ST6GALNAC3: variants seen among roughly 807,000 people sequenced by gnomAD.
ST6GALNAC3 encodes the protein ST6 N-acetylgalactosaminide alpha-2,6-sialyltransferase 3, also known as alpha-N-acetylgalactosaminide alpha-2,6-sialyltransferase 3.
In ST6GALNAC3, 25 loss-of-function variants were observed where a neutral mutation model predicts 32.7. The observed-to-expected ratio is 0.76, with a 90% CI of 0.56 to 1.07. The LOEUF (loss-of-function observed/expected upper bound fraction) is 1.07. ST6GALNAC3 is among the 50% of genes least tolerant of loss of function. The pLI is 0.00. For missense variants in ST6GALNAC3, 355 were observed against 382.4 expected (o/e 0.93, Z 0.60); for synonymous variants, 129 against 133.1 (o/e 0.97, Z 0.21).
chr1:76,082,745 C>G (rs1277311771), intron 1 of ST6GALNAC3, among the ~76,000 whole-genome samples: 1 of 152,126 alleles, frequency 6.6e-6, no homozygotes, highest in Non-Finnish European at 1.5e-5. Flanking sequence ...GCCTCTCTTT[C>G]ATTTCCTGTG....
In ST6GALNAC3 at chr1:76,416,767, A is replaced by G. The variant is rs186753608; in HGVS notation, c.623+4350A>G. On this transcript the variant is annotated intron_variant, in intron 3 of 4. Coordinates refer to ENST00000328299, the MANE Select transcript of ST6GALNAC3 (RefSeq NM_152996.4). The stretch of plus-strand genomic sequence containing the variant: ...CTCAGCCTCCTGAGTAGCTGGGACT[A>G]CAGGCACGCACCACCATGCCTGGCT... Among the ~76,000 whole-genome samples the G allele has an allele frequency of 5.1e-3, 776 of 151,490 alleles. 3 individuals carry two copies. The highest frequency in any genetic ancestry group is 0.021 in the Middle Eastern group (6 of 292).
intron 1 of ST6GALNAC3, 153 bp from the exon 2 acceptor site, chr1:76,313,652 A>G (rs752674354): frequency 1.1e-6 from 1 of 903,948 alleles, no homozygotes; most frequent in African/African-American, 1.6e-5. Flanking sequence ...TGGTCACCAA[A>G]TAATTATTTT....
chr1:76,207,570 CAT>C (rs1005725404), intron 1 of ST6GALNAC3, among the ~76,000 whole-genome samples: 4 of 152,196 alleles, frequency 2.6e-5, no homozygotes, highest in African/African-American at 7.2e-5. Context: ...ACGTGGCAAA[CAT>C]GTGAGATAGA....
intron 3 of ST6GALNAC3, among the ~76,000 whole-genome samples, chr1:76,561,578 C>T (rs1245092452): frequency 1.3e-5 from 2 of 152,106 alleles, no homozygotes; most frequent in Non-Finnish European, 2.9e-5. Context: ...TGAGATACCA[C>T]TTCACACCGG....
chr1:76,221,050 G>T (rs1022321721), intron 1 of ST6GALNAC3, among the ~76,000 whole-genome samples: 84 of 152,270 alleles, frequency 5.5e-4, no homozygotes, highest in African/African-American at 1.9e-3. Context: ...GCCTGGTGCA[G>T]CCTGGAGAAG....
At chr1:76,322,600 G>A (rs531523199) in intron 2 of ST6GALNAC3, among the ~76,000 whole-genome samples, 2 of 152,154 alleles carry the variant, frequency 1.3e-5, no homozygotes, top group Non-Finnish European at 2.9e-5. Context: ...AAGGTAATTT[G>A]TCACTAAGTA....
intron 3 of ST6GALNAC3, among the ~76,000 whole-genome samples, chr1:76,516,295 T>G (rs1037238233): frequency 3.3e-5 from 5 of 152,230 alleles, no homozygotes; most frequent in Admixed American, 3.3e-4. Flanking sequence ...CATACATACA[T>G]GTATGTGTGT....
chr1:76,569,060 T>C (rs1348701989), intron 3 of ST6GALNAC3, among the ~76,000 whole-genome samples: 1 of 152,138 alleles, frequency 6.6e-6, no homozygotes, highest in African/African-American at 2.4e-5. Context: ...GGATCTGATA[T>C]GCATTTTGCA....
At chr1:76,335,934 C>T (rs1260093445) in intron 2 of ST6GALNAC3, among the ~76,000 whole-genome samples, 1 of 152,162 alleles carries the variant, frequency 6.6e-6, no homozygotes, top group East Asian at 1.9e-4. Flanking sequence ...TTCTTGCTTG[C>T]TATTTTCAAT....
At chr1:76,231,488 A>G (rs1413628315) in intron 1 of ST6GALNAC3, among the ~76,000 whole-genome samples, 2 of 152,128 alleles carry the variant, frequency 1.3e-5, no homozygotes, top group African/African-American at 4.8e-5. Context: ...GTAAACAACA[A>G]CTTCTGTTTC....
rs58114434 is a variant in ST6GALNAC3, at chr1:76,390,946, A to ATTTTTTTTTT, written c.214-21060_214-21051dup. Among the ~76,000 whole-genome samples, 4 of 121,068 alleles carry ATTTTTTTTTT rather than the reference A, an allele frequency of 3.3e-5. 1 individual carries two copies. The highest frequency in any genetic ancestry group is 5.7e-5 in the Non-Finnish European group (3 of 52,772). The allele number at this position is 121,068 out of a possible 152,430, so 79.4% of individuals were successfully genotyped here. A position where few individuals can be genotyped will look rare whatever the true frequency, so the allele number is the denominator to read the frequency against. On this transcript the variant is annotated intron_variant, in intron 2 of 4. Coordinates refer to ENST00000328299, the MANE Select transcript of ST6GALNAC3 (RefSeq NM_152996.4). Reference sequence around the variant, plus strand: ...TTAAAATGCTTATATATATATATGTATTTTTTTTTTTGAGATGGAGTCTCG... The same window carrying ATTTTTTTTTT: ...TTAAAATGCTTATATATATATATGTATTTTTTTTTTTTTTTTTTTTTGAGATGGAGTCTCG...
intron 1 of ST6GALNAC3, among the ~76,000 whole-genome samples, chr1:76,145,750 T>C (rs432980): frequency 0.24 from 36,098 of 152,106 alleles, 4,576 homozygotes; most frequent in Middle Eastern, 0.3. Context: ...TAAATAAGAA[T>C]TTACATGACA....
intron 2 of ST6GALNAC3, among the ~76,000 whole-genome samples, chr1:76,396,840 T>G (rs1652998663): frequency 6.6e-6 from 1 of 152,204 alleles, no homozygotes; most frequent in African/African-American, 2.4e-5. Flanking sequence ...ATATAGCATT[T>G]TGGTTTAATC....
chr1:76,453,227 C>A (rs1045086182), intron 3 of ST6GALNAC3, among the ~76,000 whole-genome samples: 5 of 151,976 alleles, frequency 3.3e-5, no homozygotes, highest in Non-Finnish European at 1.5e-5. Context: ...TTTCAAATAA[C>A]CAGGTTTTGT....
intron 2 of ST6GALNAC3, among the ~76,000 whole-genome samples, chr1:76,327,269 T>C (rs904717743): frequency 1.2e-4 from 18 of 144,988 alleles, no homozygotes; most frequent in African/African-American, 4.6e-4. Context: ...TGTGTATGTA[T>C]ATATGCGTGT....
chr1:76,133,877 G>A (rs150914041), intron 1 of ST6GALNAC3, among the ~76,000 whole-genome samples: 2 of 152,200 alleles, frequency 1.3e-5, no homozygotes, highest in African/African-American at 4.8e-5. Flanking sequence ...TCTACTTACA[G>A]AATGACAAGA....
At chr1:76,434,784 G>GTTTTTTTTTTTTTTTTTTT (rs1211703628) in intron 3 of ST6GALNAC3, among the ~76,000 whole-genome samples, 2 of 72,204 alleles carry the variant, frequency 2.8e-5, no homozygotes, top group Admixed American at 1.9e-4. Flanking sequence ...TTTTTTCTCT[G>GTTTTTTTTTTTTTTTTTTT]TTTTTTTTTT....
intron 1 of ST6GALNAC3, among the ~76,000 whole-genome samples, chr1:76,289,952 G>T (rs1464660880): frequency 6.6e-6 from 1 of 152,234 alleles, no homozygotes; most frequent in Non-Finnish European, 1.5e-5. Context: ...TGTGATAGAT[G>T]TGGTGTGACC....
At chr1:76,384,771 C>G (rs541711625) in intron 2 of ST6GALNAC3, among the ~76,000 whole-genome samples, 2 of 151,424 alleles carry the variant, frequency 1.3e-5, no homozygotes, top group East Asian at 3.9e-4. Flanking sequence ...CCCAGTAATT[C>G]CATTCCTAGA....
Sources: gnomAD v4.1 joint callset for allele counts (sites outside exome capture counted in the v4.1 genomes callset) on GRCh38, gnomAD v4.1.1 for gene constraint, MANE v1.5 for transcripts, NCBI Gene and HGNC (gene_info 2026-07-23, HGNC 2026-07-21) for gene names.